Variants in TMEM132C observed in about 807,000 individuals in gnomAD.
The protein encoded by TMEM132C is protein phosphatase 1, regulatory subunit 152.
Under a neutral mutation model 61.4 loss-of-function variants are expected in TMEM132C, and 29 were observed. The observed-to-expected ratio is 0.47, with a 90% CI of 0.35 to 0.64. The LOEUF (loss-of-function observed/expected upper bound fraction) is 0.64. Ranked by LOEUF, TMEM132C falls within the 30% of genes least tolerant of loss-of-function variation. The probability of loss-of-function intolerance (pLI) is 0.00; values close to 1 mark genes in which losing one functional copy is unlikely to be tolerated. For synonymous variants in TMEM132C, 656 were observed against 633.1 expected (o/e 1.04, Z -0.54); for missense variants, 1,408 against 1,476.9 (o/e 0.95, Z 0.76).
At chr12:128,408,650 G>T (rs1868401454) in intron 1 of TMEM132C, among the ~76,000 whole-genome samples, 1 of 152,172 alleles carries the variant, frequency 6.6e-6, no homozygotes. Flanking sequence ...CCTCGGCAGG[G>T]CCTTTTGTGC....
intron 2 of TMEM132C, among the ~76,000 whole-genome samples, chr12:128,445,352 T>A (rs1337373478): frequency 6.6e-6 from 1 of 152,212 alleles, no homozygotes; most frequent in African/African-American, 2.4e-5. Context: ...TCTTTTCCTC[T>A]CATTGCCTCT....
chr12:128,589,042 C>A (rs966700226), intron 3 of TMEM132C, among the ~76,000 whole-genome samples: 1 of 152,084 alleles, frequency 6.6e-6, no homozygotes, highest in African/African-American at 2.4e-5. Context: ...AGTCAGCGAG[C>A]CTGAAAGCAG....
intron 4 of TMEM132C, among the ~76,000 whole-genome samples, chr12:128,625,875 A>G (rs1954010639): frequency 6.6e-6 from 1 of 152,176 alleles, no homozygotes; most frequent in Admixed American, 6.5e-5. Context: ...GCATTTCAGC[A>G]TATGAATTTG....
At chr12:128,399,016 TTCTTTTC>T (rs1217018874) in intron 1 of TMEM132C, among the ~76,000 whole-genome samples, 13 of 152,376 alleles carry the variant, frequency 8.5e-5, no homozygotes, top group Admixed American at 6.5e-4. Flanking sequence ...TTCTGGTGTA[TTCTTTTC>T]TCTTTTTGTT....
chr12:128,528,130 G>T (rs1176015145), intron 2 of TMEM132C, among the ~76,000 whole-genome samples: 1 of 152,158 alleles, frequency 6.6e-6, no homozygotes, highest in East Asian at 1.9e-4. Context: ...TGACTTCAGG[G>T]CTACATCCCC....
intron 2 of TMEM132C, among the ~76,000 whole-genome samples, chr12:128,470,267 T>A (rs893866841): frequency 2.6e-5 from 4 of 152,210 alleles, no homozygotes; most frequent in African/African-American, 9.6e-5. Flanking sequence ...GTCTTGCTTA[T>A]GATGGACGAT....
intron 2 of TMEM132C, among the ~76,000 whole-genome samples, chr12:128,435,449 A>T (rs1420110343): frequency 6.6e-6 from 1 of 152,252 alleles, no homozygotes; most frequent in Non-Finnish European, 1.5e-5. Context: ...AACTTTGGCA[A>T]AGTCTCAGGA....
Position 128,591,141 on chromosome 12 carries a change from A to G in TMEM132C, c.1122-25011A>G, listed in dbSNP as rs188413913. 1.3e-4 allele frequency among the ~76,000 whole-genome samples: 20 copies of G among 152,336 alleles called. 1 individual carries two copies. Among genetic ancestry groups the G allele is most frequent in the African/African-American group, 4.3e-4 (18 of 41,584 alleles). ...TAAATGCATACTACACAGTTTGCCCATTTAAAATGTACAATTCAATGGTTT... is the reference window on the plus strand; with the variant it reads ...TAAATGCATACTACACAGTTTGCCCGTTTAAAATGTACAATTCAATGGTTT... On this transcript the variant is annotated intron_variant, in intron 3 of 8. Coordinates refer to ENST00000435159, the MANE Select transcript of TMEM132C (RefSeq NM_001136103.3).
In TMEM132C at chr12:128,407,894, G is replaced by A. The variant is rs868058064; in HGVS notation, c.86-6838G>A. Among the ~76,000 whole-genome samples the A allele has an allele frequency of 2.6e-4, 39 of 152,216 alleles. 1 individual carries two copies. Among genetic ancestry groups the A allele is most frequent in the African/African-American group, 9.4e-4 (39 of 41,544 alleles). On this transcript the variant is annotated intron_variant, in intron 1 of 8. Transcript: ENST00000435159. Reference sequence around the variant, plus strand: ...GGAGATGGGGTGCCATTTTTTAATTGCTCTTCTATTGTTATTATGCTACAT... The same window carrying A: ...GGAGATGGGGTGCCATTTTTTAATTACTCTTCTATTGTTATTATGCTACAT...
chr12:128,270,466 T>C (rs1028069728), intron 1 of TMEM132C, among the ~76,000 whole-genome samples: 18 of 152,198 alleles, frequency 1.2e-4, no homozygotes, highest in Non-Finnish European at 1.9e-4. Context: ...TTCAGATCAG[T>C]GTTGGCCACG....
chr12:128,494,531 T>A (rs764317880), intron 2 of TMEM132C, among the ~76,000 whole-genome samples: 1 of 152,216 alleles, frequency 6.6e-6, no homozygotes, highest in Non-Finnish European at 1.5e-5. Context: ...CAGAGCCTGT[T>A]ATTGGTCTAT....
At chr12:128,470,031 A>G (rs1010685473) in intron 2 of TMEM132C, among the ~76,000 whole-genome samples, 2 of 152,152 alleles carry the variant, frequency 1.3e-5, no homozygotes, top group East Asian at 3.9e-4. Context: ...TTCATGACTT[A>G]CAAAAGACTT....
intron 2 of TMEM132C, among the ~76,000 whole-genome samples, chr12:128,447,567 T>C (rs1593056718): frequency 6.6e-6 from 1 of 152,342 alleles, no homozygotes; most frequent in East Asian, 1.9e-4. Context: ...TGCCCATTTC[T>C]CAGGTGTAAA....
intron 3 of TMEM132C, among the ~76,000 whole-genome samples, chr12:128,548,860 A>G (rs1874055027): frequency 6.6e-6 from 1 of 152,212 alleles, no homozygotes. Context: ...CATTTACATT[A>G]TACTAGGTAT....
At chr12:128,486,619 T>C (rs76706834) in intron 2 of TMEM132C, among the ~76,000 whole-genome samples, 17,669 of 152,210 alleles carry the variant, frequency 0.12, 1,159 homozygotes, top group Middle Eastern at 0.14. Flanking sequence ...GCCTTTTCTC[T>C]TTATTTTTCA....
intron 5 of TMEM132C, among the ~76,000 whole-genome samples, chr12:128,681,614 T>C (rs1954635258): frequency 6.6e-6 from 1 of 151,722 alleles, no homozygotes; most frequent in African/African-American, 2.4e-5. Context: ...TGACAAGTTG[T>C]CCTGTCCTAC....
chr12:128,478,313 C>G (rs2136088497), intron 2 of TMEM132C, among the ~76,000 whole-genome samples: 2 of 152,138 alleles, frequency 1.3e-5, no homozygotes, highest in South Asian at 4.1e-4. Context: ...TTTTTTCAAT[C>G]TCTAAGCACT....
chr12:128,433,448 T>C (rs928515138), intron 2 of TMEM132C, among the ~76,000 whole-genome samples: 4 of 152,242 alleles, frequency 2.6e-5, no homozygotes, highest in African/African-American at 4.8e-5. Flanking sequence ...GCCCAATTCA[T>C]GAATTATTTG....
At position 128,450,190 on chromosome 12, in the gene TMEM132C, G is replaced by A. The variant is rs375035519; in HGVS notation, c.974+34570G>A. 1.3e-4 allele frequency among the ~76,000 whole-genome samples: 20 copies of A among 152,220 alleles called. No homozygotes were observed. The East Asian group carries it at 2.1e-3, about 16-fold the overall frequency. On this transcript the variant is annotated intron_variant, in intron 2 of 8. Transcript: ENST00000435159. ...GAGCATTTGACATGGCTCATTTGAC[G>A]GAGGAACTAAACTTTTAATTTTATT...
Sources: allele counts gnomAD v4.1 joint callset (sites outside exome capture counted in the v4.1 genomes callset), GRCh38; gene constraint gnomAD v4.1.1; transcripts MANE v1.5; gene names NCBI Gene and HGNC (gene_info 2026-07-23, HGNC 2026-07-21).